The following ZNF717 variants were observed in gnomAD, a reference collection of about 807,000 sequenced individuals.
ZNF717 encodes the protein krueppel-like factor X17.
ZNF717 carries 9 observed loss-of-function variants against 13.8 expected under a neutral mutation model. The ratio of observed to expected loss-of-function variants is 0.65; its 90% CI spans 0.39 to 1.14. The LOEUF (loss-of-function observed/expected upper bound fraction) is 1.14. ZNF717 is among the 50% of genes most tolerant of loss of function. The pLI, the probability that ZNF717 is intolerant of heterozygous loss-of-function variation, is 0.01. For synonymous variants in ZNF717, 327 were observed against 364.1 expected (o/e 0.90, Z 1.16); for missense variants, 1,040 against 1,080.7 (o/e 0.96, Z 0.53).
chr3:75,763,305 AT>A (rs1943179006), intron 2 of ZNF717, among the ~76,000 whole-genome samples: 1 of 152,242 alleles, frequency 6.6e-6, no homozygotes, highest in Admixed American at 6.5e-5. Context: ...TGTGTTTCAG[AT>A]TTTGTAATAT....
rs116770354 is a variant in ZNF717 at position 75,714,063 on chromosome 3, G to T, written n.667+2356C>A. ...ATTTTGCTACTGCTAACTAAAAGGT[G>T]AGCCAGGCATACAGGATGGAACATG... On this transcript the variant is annotated intron_variant and non_coding_transcript_variant, in intron 5 of 5. Coordinates refer to the ZNF717 transcript ENST00000491507. Among the ~76,000 whole-genome samples the T allele has an allele frequency of 1.3e-3, 194 of 152,254 alleles. 1 individual carries two copies. Among genetic ancestry groups the T allele is most frequent in the African/African-American group, 4.4e-3 (182 of 41,554 alleles).
chr3:75,766,356 C>T (rs1390208156), intron 2 of ZNF717, among the ~76,000 whole-genome samples: 1 of 151,806 alleles, frequency 6.6e-6, no homozygotes, highest in African/African-American at 2.4e-5. Context: ...TATCCAGACA[C>T]TAATCATAAA....
At chr3:75,747,330 C>T (rs571627689) in intron 2 of ZNF717, among the ~76,000 whole-genome samples, 1 of 152,272 alleles carries the variant, frequency 6.6e-6, no homozygotes, top group South Asian at 2.1e-4. Context: ...TTAGGACTGA[C>T]TTGGCAATGT....
Position 75,739,384 on chromosome 3 carries a change from G to A in ZNF717, c.278-39C>T, listed in dbSNP as rs1232534808. On this transcript the variant is annotated intron_variant, in intron 4 of 4. Transcript: ENST00000652011. Reference sequence around the variant, plus strand: ...AAAGGTATCCATGAACCACACATGAGCATGTCTTACAGAATGCTTGTGTAA... The same window carrying A: ...AAAGGTATCCATGAACCACACATGAACATGTCTTACAGAATGCTTGTGTAA... The A allele has an allele frequency of 8.5e-6, 12 of 1,407,984 alleles. No individual in the cohort carries two copies. In the Admixed American group the frequency reaches 3.3e-4, roughly 39 times the overall value. 87.2% of individuals were successfully genotyped at this position (1,407,984 alleles called of 1,614,324 possible). A position where few individuals can be genotyped will look rare whatever the true frequency, so the allele number is the denominator to read the frequency against.
chr3:75,755,156 A>G (rs1451856805), intron 2 of ZNF717, among the ~76,000 whole-genome samples: 1 of 152,214 alleles, frequency 6.6e-6, no homozygotes, highest in East Asian at 1.9e-4. Context: ...AAAATTCAAG[A>G]AACTTGTTGC....
At chr3:75,700,407 A>G (rs1937668461) in intron 6 of ZNF717, among the ~76,000 whole-genome samples, 2 of 152,380 alleles carry the variant, frequency 1.3e-5, no homozygotes, top group South Asian at 2.1e-4. Flanking sequence ...AAAAAAAAAG[A>G]CATTCCTCAC....
chr3:75,729,630 A>C (rs1402846446), downstream of ZNF717, among the ~76,000 whole-genome samples: 3 of 152,028 alleles, frequency 2.0e-5, no homozygotes, highest in Non-Finnish European at 4.4e-5. Context: ...AAAAAAAAAA[A>C]AAAAAAAGGA....
intron 6 of ZNF717, among the ~76,000 whole-genome samples, chr3:75,698,148 C>CAAAAAAAAA (rs61557684): frequency 6.0e-5 from 9 of 149,684 alleles, no homozygotes; most frequent in African/African-American, 2.0e-4. Context: ...CATGTTCTAG[C>CAAAAAAAAA]AAAAAAAAAA....
rs11718252 is a variant in ZNF717 at position 75,742,009 on chromosome 3, G to T, written c.58-273C>A. ...ATGTAGTTTGTTTTGCACTGTTTAT[G>T]GTGGGAGAAGGAGTAATCACAGTAG... On this transcript the variant is annotated intron_variant, in intron 2 of 4. Transcript: ENST00000652011. 3.2e-5 allele frequency: 14 copies of T among 439,578 alleles called. No individual in the cohort carries two copies. The East Asian group carries it at 4.3e-4, about 14-fold the overall frequency. The allele number at this position is 439,578 out of a possible 1,614,324, so 27.2% of individuals were successfully genotyped here.
At chr3:75,709,316 C>CA (rs1481632604), downstream of ZNF717, among the ~76,000 whole-genome samples, 175 of 152,162 alleles carry the variant, frequency 1.2e-3, no homozygotes, top group African/African-American at 4.0e-3. Context: ...CACTTTTAAA[C>CA]AACCAGAACT....
At chr3:75,700,435 T>A (rs1575758326) in intron 6 of ZNF717, among the ~76,000 whole-genome samples, 4 of 150,254 alleles carry the variant, frequency 2.7e-5, no homozygotes, top group Non-Finnish European at 1.5e-5. Context: ...GAAAAAAAAA[T>A]TCTGAACTGT....
exon 6 of ZNF717, chr3:75,730,396 G>A (rs1938458076): frequency 2.2e-6 from 1 of 458,370 alleles, no homozygotes; most frequent in African/African-American, 2.0e-5. Flanking sequence ...TCAATTTGCT[G>A]TGCAAAGGGT....
At chr3:75,771,456 T>C (rs756999613) in intron 2 of ZNF717, among the ~76,000 whole-genome samples, 29 of 152,184 alleles carry the variant, frequency 1.9e-4, no homozygotes, top group Non-Finnish European at 2.9e-4. Flanking sequence ...AAGATTTTCT[T>C]TTAATAGTTG....
intron 2 of ZNF717, among the ~76,000 whole-genome samples, chr3:75,751,461 TC>T (rs1476204061): frequency 1.1e-4 from 16 of 151,564 alleles, no homozygotes; most frequent in Non-Finnish European, 1.9e-4. Flanking sequence ...TGAATGTTTG[TC>T]CCTCACATAG....
chr3:75,777,543 G>A (rs1413235877), intron 2 of ZNF717, among the ~76,000 whole-genome samples: 2 of 151,546 alleles, frequency 1.3e-5, no homozygotes, highest in Admixed American at 6.6e-5. Flanking sequence ...GGAGTGATGG[G>A]CTAAAACCTG....
At chr3:75,719,946 G>A (rs2918474) in intron 4 of ZNF717, among the ~76,000 whole-genome samples, 62,857 of 146,888 alleles carry the variant, frequency 0.43, 13,522 homozygotes, top group South Asian at 0.62. Context: ...CAATAAGAGT[G>A]AAACTCCATC....
intron 2 of ZNF717, among the ~76,000 whole-genome samples, chr3:75,747,285 T>A (rs200298298): frequency 3.5e-4 from 54 of 152,122 alleles, no homozygotes; most frequent in Non-Finnish European, 6.6e-4. Flanking sequence ...GTTTGAAGTC[T>A]GGTAGCGTGA....
chr3:75,769,356 A>G (rs925084748), intron 2 of ZNF717, among the ~76,000 whole-genome samples: 3 of 151,964 alleles, frequency 2.0e-5, no homozygotes, highest in Non-Finnish European at 4.4e-5. Flanking sequence ...CCCAGCCACT[A>G]GAGTCCTTCT....
intron 2 of ZNF717, among the ~76,000 whole-genome samples, chr3:75,774,709 C>T (rs1198336387): frequency 2.0e-5 from 3 of 150,006 alleles, no homozygotes; most frequent in African/African-American, 7.4e-5. Flanking sequence ...CAAGCTCCGC[C>T]TCCCGGGTTC....
Sources: gnomAD v4.1 joint callset for allele counts (sites outside exome capture counted in the v4.1 genomes callset) on GRCh38, gnomAD v4.1.1 for gene constraint, MANE v1.5 for transcripts, NCBI Gene and HGNC (gene_info 2026-07-23, HGNC 2026-07-21) for gene names.